Variants in MTUS2 observed in about 807,000 individuals in gnomAD.
The protein encoded by MTUS2 is microtubule associated scaffold protein 2, also known as microtubule-associated tumor suppressor candidate 2.
A neutral mutation model predicts 114.1 loss-of-function variants in MTUS2; 40 were observed. That is an observed-to-expected ratio of 0.35 (90% CI 0.27 to 0.46). The LOEUF (loss-of-function observed/expected upper bound fraction) is 0.46, where lower values mean the gene tolerates loss of function less well. Ranked by LOEUF, MTUS2 falls within the 20% of genes least tolerant of loss-of-function variation. The pLI, the probability that MTUS2 is intolerant of heterozygous loss-of-function variation, is 1.00. For missense variants in MTUS2, 1,679 were observed against 1,705.4 expected (o/e 0.98, Z 0.27); for synonymous variants, 688 against 672.0 (o/e 1.02, Z -0.37).
intron 9 of MTUS2, among the ~76,000 whole-genome samples, chr13:29,443,171 C>T (rs575860329): frequency 2.6e-4 from 40 of 152,248 alleles, no homozygotes; most frequent in African/African-American, 9.6e-4. Flanking sequence ...AAGATAATGC[C>T]GATGAAGCAG....
chr13:29,409,313 C>CA (rs969409488), intron 8 of MTUS2, among the ~76,000 whole-genome samples: 23 of 151,068 alleles, frequency 1.5e-4, no homozygotes, highest in Admixed American at 7.9e-4. Flanking sequence ...GAAACTGTCT[C>CA]AAAAAAAACA....
chr13:28,857,728 A>G (rs1277020241), intron 2 of MTUS2, among the ~76,000 whole-genome samples: 1 of 152,220 alleles, frequency 6.6e-6, no homozygotes, highest in East Asian at 1.9e-4. Context: ...CAGAATATAA[A>G]CAAATCAAGG....
chr13:29,209,585 A>T (rs1296431482), intron 5 of MTUS2, among the ~76,000 whole-genome samples: 2 of 152,096 alleles, frequency 1.3e-5, no homozygotes, highest in Non-Finnish European at 2.9e-5. Context: ...ATTTGTCTCA[A>T]GATTTACAAC....
rs1277063225 is a variant in MTUS2 at position 28,874,856 on chromosome 13, GAA to G, written c.-243+35009_-243+35010del. On this transcript the variant is annotated intron_variant, in intron 2 of 15. Transcript: ENST00000612955. Reference sequence around the variant, plus strand: ...TCCTTTCTTTTTCATCATTTATTATGAAAATTTTGTTTTGTTTGAAGTAGATT... The same window carrying G: ...TCCTTTCTTTTTCATCATTTATTATGAATTTTGTTTTGTTTGAAGTAGATT... 3.3e-5 allele frequency among the ~76,000 whole-genome samples: 5 copies of G among 152,114 alleles called. No individual in the cohort carries two copies. The East Asian group carries it at 9.6e-4, about 29-fold the overall frequency.
rs182948829 is a variant in MTUS2, at chr13:29,152,658, C to T, written c.2644+51688C>T. 2.8e-3 allele frequency among the ~76,000 whole-genome samples: 426 copies of T among 152,128 alleles called. 2 individuals are homozygous for T. The highest frequency in any genetic ancestry group is 0.013 in the South Asian group (64 of 4,798). On this transcript the variant is annotated intron_variant, in intron 5 of 15. Transcript: ENST00000612955. The stretch of plus-strand genomic sequence containing the variant: ...ACAGAGACCTCCCTCAGTTTCTAGC[C>T]GCATGGACCCTTCTGTAGAGATGCC...
chr13:29,001,624 A>G (rs964575857), intron 2 of MTUS2, among the ~76,000 whole-genome samples: 1 of 152,200 alleles, frequency 6.6e-6, no homozygotes, highest in African/African-American at 2.4e-5. Context: ...TCTGTTCAAC[A>G]TCTGTGCTGA....
chr13:29,166,716 C>T (rs573508419), intron 5 of MTUS2, among the ~76,000 whole-genome samples: 1 of 152,252 alleles, frequency 6.6e-6, no homozygotes, highest in South Asian at 2.1e-4. Context: ...TAGACTTTAG[C>T]TTCCTTAAAA....
intron 4 of MTUS2, among the ~76,000 whole-genome samples, chr13:29,075,962 T>G (rs377613577): frequency 4.4e-4 from 67 of 152,254 alleles, no homozygotes; most frequent in African/African-American, 1.5e-3. Flanking sequence ...ACCAGAAGAG[T>G]GAGAAGAAGA....
chr13:29,382,718 G>A (rs1170094382), intron 8 of MTUS2, among the ~76,000 whole-genome samples: 1 of 152,186 alleles, frequency 6.6e-6, no homozygotes, highest in Non-Finnish European at 1.5e-5. Context: ...TTCATATGCT[G>A]GGTCCGAAAA....
At chr13:29,384,025 G>A (rs1207523828) in intron 8 of MTUS2, among the ~76,000 whole-genome samples, 4 of 152,168 alleles carry the variant, frequency 2.6e-5, no homozygotes, top group African/African-American at 4.8e-5. Flanking sequence ...CTGGAGTGGG[G>A]TTGCATTTTG....
intron 2 of MTUS2, among the ~76,000 whole-genome samples, chr13:28,928,826 A>T (rs952910515): frequency 6.6e-6 from 1 of 152,232 alleles, no homozygotes; most frequent in African/African-American, 2.4e-5. Flanking sequence ...TATGGAATCA[A>T]CCTAAGTGCC....
chr13:29,489,587 T>A (rs1161322916), intron 11 of MTUS2: 1 of 152,232 alleles, frequency 6.6e-6, no homozygotes, highest in Non-Finnish European at 1.5e-5. Flanking sequence ...TGGAACCACC[T>A]GGAAGTTTTT....
intron 8 of MTUS2, among the ~76,000 whole-genome samples, chr13:29,426,607 A>G (rs572955402): frequency 3.7e-4 from 57 of 152,316 alleles, no homozygotes; most frequent in African/African-American, 1.3e-3. Flanking sequence ...TAGGTACTTC[A>G]TATAAGTGGA....
chr13:28,876,525 C>T (rs573484609), intron 2 of MTUS2, among the ~76,000 whole-genome samples: 1 of 152,298 alleles, frequency 6.6e-6, no homozygotes, highest in East Asian at 1.9e-4. Context: ...CTCTTCTCAA[C>T]ACACCGTCTA....
At position 29,496,833 on chromosome 13, in the gene MTUS2, T is replaced by C. The variant is rs936676241; in HGVS notation, c.3580-405T>C. On this transcript the variant is annotated intron_variant, in intron 12 of 15. Coordinates refer to ENST00000612955, the MANE Select transcript of MTUS2 (RefSeq NM_001033602.4). The surrounding 1 kb of genome is among the most constrained non-coding windows in gnomAD (Gnocchi z 4.3). ...CAAGGAGGGTTTGAAGGGATCTGAATTGAGCTTCCTAAATGAGAATACATC... is the reference window on the plus strand; with the variant it reads ...CAAGGAGGGTTTGAAGGGATCTGAACTGAGCTTCCTAAATGAGAATACATC... Among the ~76,000 whole-genome samples the C allele has an allele frequency of 4.6e-5, 7 of 152,066 alleles. No individual in the cohort carries two copies. Among genetic ancestry groups the C allele is most frequent in the South Asian group, 2.1e-4 (1 of 4,820 alleles).
intron 10 of MTUS2, chr13:29,483,882 G>T (rs562530155): frequency 6.6e-6 from 1 of 151,950 alleles, no homozygotes; most frequent in Admixed American, 6.6e-5. Context: ...TTCCTTTTTT[G>T]CCCCAAACAT....
At chr13:29,423,967 G>T (rs1343836164) in intron 8 of MTUS2, among the ~76,000 whole-genome samples, 1 of 151,668 alleles carries the variant, frequency 6.6e-6, no homozygotes, top group Non-Finnish European at 1.5e-5. Context: ...AGGGTTCAAG[G>T]GATTCTCCTG....
chr13:28,870,736 T>A (rs972047812), intron 2 of MTUS2, among the ~76,000 whole-genome samples: 2 of 152,186 alleles, frequency 1.3e-5, no homozygotes, highest in Admixed American at 6.5e-5. Context: ...TTTGTTTAAG[T>A]ATGGGAGACC....
At chr13:29,060,310 G>T (rs1032674442) in intron 4 of MTUS2, among the ~76,000 whole-genome samples, 1 of 152,122 alleles carries the variant, frequency 6.6e-6, no homozygotes, top group Non-Finnish European at 1.5e-5. Context: ...GTGGGGCGGG[G>T]TGTCAAGGGG....
Sources: gnomAD v4.1 joint callset for allele counts (sites outside exome capture counted in the v4.1 genomes callset) on GRCh38, gnomAD v4.1.1 for gene constraint, Gnocchi (gnomAD v3.1) non-coding constraint, MANE v1.5 for transcripts, NCBI Gene and HGNC (gene_info 2026-07-23, HGNC 2026-07-21) for gene names.